PDK1: variants seen among roughly 807,000 people sequenced by gnomAD.
The protein encoded by PDK1 is pyruvate dehydrogenase kinase 1.
PDK1 carries 39 observed loss-of-function variants against 54.2 expected under a neutral mutation model. That is an observed-to-expected ratio of 0.72 (90% CI 0.56 to 0.94). The LOEUF is 0.94. PDK1 is among the 40% of genes least tolerant of loss of function. The probability of loss-of-function intolerance (pLI) is 0.00; values close to 1 mark genes in which losing one functional copy is unlikely to be tolerated. For missense variants in PDK1, 552 were observed against 566.0 expected (o/e 0.98, Z 0.25); for synonymous variants, 221 against 207.1 (o/e 1.07, Z -0.58).
chr2:172,666,036 C>T, the PDK1 span, among the ~76,000 whole-genome samples: 1 of 152,210 alleles, frequency 6.6e-6, no homozygotes, highest in African/African-American at 2.4e-5. Flanking sequence ...TGGATTTCCT[C>T]TTCCCAGATT....
the PDK1 span, among the ~76,000 whole-genome samples, chr2:172,668,904 TATAGAGAG>T: frequency 8.6e-5 from 6 of 69,822 alleles, no homozygotes; most frequent in Admixed American, 4.8e-4. Context: ...CATATATATA[TATAGAGAG>T]AGAGAGAGAG....
the PDK1 span, among the ~76,000 whole-genome samples, chr2:172,657,634 G>A: frequency 6.6e-6 from 1 of 151,926 alleles, no homozygotes; most frequent in East Asian, 1.9e-4. Context: ...AAAGGCACTT[G>A]AACAATAGCA....
the PDK1 span, among the ~76,000 whole-genome samples, chr2:172,633,158 T>A: frequency 6.6e-6 from 1 of 151,562 alleles, no homozygotes; most frequent in East Asian, 2.0e-4. Context: ...TCCTCCTGTC[T>A]CAGCCTCCCA....
Position 172,595,930 on chromosome 2 carries a change from CAG to C in PDK1, c.1276_1277del (p.Glu426ThrfsTer57). ...HEADDWCVPS[R>X]EPKDMTTFRS... ...AGGCTGATGACTGGTGCGTCCCCAG[CAG>C]AGAACCCAAAGACATGACGACGTTC... is the stretch of plus-strand genomic sequence containing the variant. On this transcript the variant is annotated frameshift_variant, in exon 11 of 11. Transcript: ENST00000282077. LOFTEE classifies it high-confidence loss of function. 6.2e-7 allele frequency: 1 copy of C among 1,613,642 alleles called. No homozygotes were observed. The highest frequency in any genetic ancestry group is 8.5e-7 in the Non-Finnish European group (1 of 1,179,740).
chr2:172,720,567 T>C, the PDK1 span, among the ~76,000 whole-genome samples: 1 of 152,174 alleles, frequency 6.6e-6, no homozygotes, highest in Non-Finnish European at 1.5e-5. Flanking sequence ...GTGATCCTAC[T>C]TCTCCTTTTC....
the PDK1 span, among the ~76,000 whole-genome samples, chr2:172,715,166 G>A: frequency 6.6e-6 from 1 of 152,152 alleles, no homozygotes; most frequent in African/African-American, 2.4e-5. Flanking sequence ...ACAAACCAGT[G>A]TTTTGATCAA....
the PDK1 span, among the ~76,000 whole-genome samples, chr2:172,635,575 C>T: frequency 6.6e-6 from 1 of 152,338 alleles, no homozygotes; most frequent in East Asian, 1.9e-4. Context: ...CTTGGCCTCC[C>T]AAAGTGCCGG....
At position 172,599,834 on chromosome 2, in the gene PDK1, C is replaced by T. The variant is rs1691054047; in HGVS notation, c.*3865C>T. The T allele has an allele frequency of 6.6e-6, 1 of 152,124 alleles. No individual in the cohort carries two copies. Among genetic ancestry groups the T allele is most frequent in the African/African-American group, 2.4e-5 (1 of 41,418 alleles). The allele number at this position is 152,124 out of a possible 1,614,324, so 9.4% of individuals were successfully genotyped here. ...AAGATTGTCAGTTTTTGGTGCAAAA[C>T]TCTACTCTTTTTGGTTGACTTGGAA... On this transcript the variant is annotated 3_prime_UTR_variant, in exon 11 of 11. Transcript: ENST00000282077.
the PDK1 span, among the ~76,000 whole-genome samples, chr2:172,700,184 T>C: frequency 2.6e-5 from 4 of 152,054 alleles, no homozygotes; most frequent in Admixed American, 6.5e-5. Flanking sequence ...AACAATCCCA[T>C]CTCTCTTTCT....
At chr2:172,700,526 G>A in the PDK1 span, among the ~76,000 whole-genome samples, 24 of 151,306 alleles carry the variant, frequency 1.6e-4, no homozygotes, top group African/African-American at 4.6e-4. Flanking sequence ...CAGACTGGGC[G>A]GCCAGGCAGA....
the PDK1 span, among the ~76,000 whole-genome samples, chr2:172,699,450 C>T: frequency 6.7e-6 from 1 of 150,126 alleles, no homozygotes; most frequent in East Asian, 1.9e-4. Context: ...TTTGAAGACA[C>T]CTGATTTTGA....
downstream of PDK1, among the ~76,000 whole-genome samples, chr2:172,608,876 T>A (rs1691379111): frequency 6.6e-6 from 1 of 152,334 alleles, no homozygotes; most frequent in Non-Finnish European, 1.5e-5. Context: ...TGAATTTGTC[T>A]TGTCTTTCCC....
chr2:172,592,833 G>A (rs926810557), intron 9 of PDK1, 102 bp from the exon 10 acceptor site: 10 of 589,418 alleles, frequency 1.7e-5, no homozygotes, highest in East Asian at 2.9e-5. Flanking sequence ...TCTCAGATGC[G>A]GGCTCTGATA....
rs775440771 is a variant in PDK1 at position 172,556,359 on chromosome 2, C to G, written c.196+13C>G. On this transcript the variant is annotated intron_variant, in intron 1 of 10. Coordinates refer to ENST00000282077, the MANE Select transcript of PDK1 (RefSeq NM_002610.5). The stretch of plus-strand genomic sequence containing the variant: ...TTCCTGGACTTCGGTGAGTGCGGCC[C>G]GGGACCTTGGGCCTTTTTGCGCGGT... 2 of 1,419,574 alleles carry G rather than the reference C, an allele frequency of 1.4e-6. No individual in the cohort carries two copies. The highest frequency in any genetic ancestry group is 6.0e-5 in the Admixed American group (2 of 33,380). The allele number at this position is 1,419,574 out of a possible 1,614,324, so 87.9% of individuals were successfully genotyped here.
chr2:172,652,706 ACTC>A, the PDK1 span, among the ~76,000 whole-genome samples: 1 of 152,130 alleles, frequency 6.6e-6, no homozygotes, highest in South Asian at 2.1e-4. Flanking sequence ...TCATGAGTGA[ACTC>A]CTATTCACAA....
At position 172,600,650 on chromosome 2, in the gene PDK1, TGTA is replaced by T. The variant is rs1691082258; in HGVS notation, c.*4685_*4687del. 1 of 152,134 alleles carries T rather than the reference TGTA, an allele frequency of 6.6e-6. No homozygotes were observed. The highest frequency in any genetic ancestry group is 2.4e-5 in the African/African-American group (1 of 41,432). 9.4% of individuals were successfully genotyped at this position (152,134 alleles called of 1,614,324 possible). A position where few individuals can be genotyped will look rare whatever the true frequency, so the allele number is the denominator to read the frequency against. On this transcript the variant is annotated 3_prime_UTR_variant, in exon 11 of 11. Transcript: ENST00000282077. ...AGGGGTTCCGAGCAGGTTGCCAAGT[TGTA>T]GTAAAAATGTCAGGGTTTTTATAAA... is the stretch of plus-strand genomic sequence containing the variant.
chr2:172,660,402 G>T, the PDK1 span, among the ~76,000 whole-genome samples: 1 of 151,324 alleles, frequency 6.6e-6, no homozygotes, highest in African/African-American at 2.4e-5. Context: ...GACTGCAGGT[G>T]CACTCCACCA....
the PDK1 span, among the ~76,000 whole-genome samples, chr2:172,673,134 G>T: frequency 2.6e-5 from 4 of 152,168 alleles, no homozygotes; most frequent in South Asian, 2.1e-4. Context: ...TAAGTGCGCT[G>T]TTTGACCTTT....
chr2:172,684,254 CTACAAAAAA>C, the PDK1 span, among the ~76,000 whole-genome samples: 1 of 151,964 alleles, frequency 6.6e-6, no homozygotes, highest in Non-Finnish European at 1.5e-5. Context: ...AACTCCGTCT[CTACAAAAAA>C]TACAAAAAAT....
Sources: allele counts gnomAD v4.1 joint callset (sites outside exome capture counted in the v4.1 genomes callset), GRCh38; gene constraint gnomAD v4.1.1; transcripts MANE v1.5; gene names NCBI Gene and HGNC (gene_info 2026-07-23, HGNC 2026-07-21).